KIAA1217: variants seen among roughly 807,000 people sequenced by gnomAD.
KIAA1217 encodes sickle tail protein homolog.
In KIAA1217, 88 loss-of-function variants were observed where a neutral mutation model predicts 163.9. The observed-to-expected ratio is 0.54, with a 90% confidence interval of 0.45 to 0.64. KIAA1217 has a LOEUF of 0.64. Ranked by LOEUF, KIAA1217 falls within the 30% of genes least tolerant of loss-of-function variation. The pLI is 0.00. For missense variants in KIAA1217, 2,372 were observed against 2,475.0 expected (o/e 0.96, Z 0.88); for synonymous variants, 903 against 923.1 (o/e 0.98, Z 0.39).
chr10:24,385,380 T>C (rs2053869966), intron 3 of KIAA1217, among the ~76,000 whole-genome samples: 1 of 152,184 alleles, frequency 6.6e-6, no homozygotes, highest in Non-Finnish European at 1.5e-5. Flanking sequence ...TGGGGAACAG[T>C]AGCTGTGTTT....
At chr10:24,464,310 G>T (rs1166781601) in intron 5 of KIAA1217, among the ~76,000 whole-genome samples, 1 of 152,158 alleles carries the variant, frequency 6.6e-6, no homozygotes, top group Non-Finnish European at 1.5e-5. Flanking sequence ...TACAGACAGT[G>T]CCCTGGAGCA....
Position 24,074,947 on chromosome 10 carries a change from C to A in KIAA1217, c.-171+67573C>A, listed in dbSNP as rs371281133. Among the ~76,000 whole-genome samples, 6 of 152,172 alleles carry A rather than the reference C, an allele frequency of 3.9e-5. No individual in the cohort carries two copies. In the East Asian group the frequency reaches 1.2e-3, roughly 29 times the overall value. ...CTCCTGAGCTCAGGCAATCCGCCTGCCTTGGTCTCCAAAAGTGCTGAGATT... is the reference window on the plus strand; with the variant it reads ...CTCCTGAGCTCAGGCAATCCGCCTGACTTGGTCTCCAAAAGTGCTGAGATT... On this transcript the variant is annotated intron_variant, in intron 2 of 18. Transcript: ENST00000376462.
chr10:24,455,351 A>T (rs1297381162), intron 5 of KIAA1217, among the ~76,000 whole-genome samples: 2 of 152,236 alleles, frequency 1.3e-5, no homozygotes. Flanking sequence ...TACAGTGAGT[A>T]TATGTGCAAA....
chr10:24,197,927 C>T (rs555008163), intron 2 of KIAA1217, among the ~76,000 whole-genome samples: 8 of 152,322 alleles, frequency 5.3e-5, no homozygotes, highest in East Asian at 3.9e-4. Context: ...ATGCATGGGA[C>T]GGATAGTTGT....
intron 1 of KIAA1217, among the ~76,000 whole-genome samples, chr10:23,967,187 T>C (rs1003232807): frequency 3.3e-5 from 5 of 152,070 alleles, no homozygotes; most frequent in African/African-American, 9.7e-5. Flanking sequence ...TGACTAAATA[T>C]GTCATCTTTA....
At chr10:24,172,955 T>G (rs1318141967) in intron 2 of KIAA1217, among the ~76,000 whole-genome samples, 1 of 152,184 alleles carries the variant, frequency 6.6e-6, no homozygotes, top group Non-Finnish European at 1.5e-5. Flanking sequence ...ACAATTCCCA[T>G]AAGCATAGTA....
chr10:23,783,029 G>A (rs942915736), intron 1 of KIAA1217, among the ~76,000 whole-genome samples: 5 of 152,154 alleles, frequency 3.3e-5, no homozygotes, highest in Non-Finnish European at 2.9e-5. Context: ...ATTGTTTTGA[G>A]TTTTTAATCA....
At chr10:24,440,625 C>T (rs569091743) in intron 5 of KIAA1217, among the ~76,000 whole-genome samples, 1 of 152,256 alleles carries the variant, frequency 6.6e-6, no homozygotes, top group South Asian at 2.1e-4. Flanking sequence ...TGGGTTTCTG[C>T]AGAGTGGTTC....
At chr10:24,380,818 C>A in intron 2 of KIAA1217, 51 bp from the exon 3 acceptor site, 1 of 1,316,730 alleles carries the variant, frequency 7.6e-7, no homozygotes, top group Non-Finnish European at 1.0e-6. Context: ...ATATTTTCCA[C>A]ACGATTAATA....
chr10:24,063,699 G>A (rs974029021), intron 2 of KIAA1217, among the ~76,000 whole-genome samples: 1 of 152,138 alleles, frequency 6.6e-6, no homozygotes, highest in Admixed American at 6.5e-5. Flanking sequence ...TAGCTTGATG[G>A]GGATGGCACT....
At chr10:23,731,167 T>C (rs921697512) in intron 1 of KIAA1217, among the ~76,000 whole-genome samples, 51 of 152,266 alleles carry the variant, frequency 3.3e-4, no homozygotes, top group African/African-American at 1.2e-3. Flanking sequence ...TCATAGCCTC[T>C]GGCCAGAAGC....
chr10:23,927,017 C>G (rs1024286366), intron 1 of KIAA1217, among the ~76,000 whole-genome samples: 1 of 152,014 alleles, frequency 6.6e-6, no homozygotes, highest in Non-Finnish European at 1.5e-5. Context: ...AAGCAATCCT[C>G]CCACCTCAGC....
At chr10:24,408,436 G>A (rs776551769) in intron 3 of KIAA1217, among the ~76,000 whole-genome samples, 12 of 152,028 alleles carry the variant, frequency 7.9e-5, no homozygotes, top group Non-Finnish European at 1.8e-4. Flanking sequence ...CTCTTATCAC[G>A]AGCAGTCTCC....
rs561985642 is a variant in KIAA1217 at position 24,310,880 on chromosome 10, C to G, written c.355-69989C>G. ...AGTGTGGTGGTGCACACCTGTAGTC[C>G]TAGCTATTTGAGAGGCTGAGGTTGG... is the stretch of plus-strand genomic sequence containing the variant. On this transcript the variant is annotated intron_variant, in intron 2 of 20. Transcript: ENST00000376454. 5.9e-5 allele frequency among the ~76,000 whole-genome samples: 9 copies of G among 152,206 alleles called. No homozygotes were observed. The East Asian group carries it at 1.7e-3, about 29-fold the overall frequency.
intron 2 of KIAA1217, among the ~76,000 whole-genome samples, chr10:24,125,320 C>CTGTGTGTGTG (rs1491130955): frequency 4.3e-5 from 4 of 92,176 alleles, no homozygotes; most frequent in Admixed American, 1.1e-4. Flanking sequence ...GAATCCTATG[C>CTGTGTGTGTG]TCTGTGTGTG....
chr10:24,133,148 C>T (rs1268218494), intron 2 of KIAA1217, among the ~76,000 whole-genome samples: 1 of 151,552 alleles, frequency 6.6e-6, no homozygotes, highest in Admixed American at 6.6e-5. Context: ...AAAGAAGCAA[C>T]CAGCTGAATT....
intron 2 of KIAA1217, among the ~76,000 whole-genome samples, chr10:24,368,161 T>C (rs1022698665): frequency 1.3e-5 from 2 of 152,244 alleles, no homozygotes; most frequent in African/African-American, 4.8e-5. Flanking sequence ...AATTTTATTC[T>C]TAATCATTTT....
At chr10:23,946,028 G>A (rs1278083862) in intron 1 of KIAA1217, among the ~76,000 whole-genome samples, 1 of 152,142 alleles carries the variant, frequency 6.6e-6, no homozygotes, top group African/African-American at 2.4e-5. Context: ...TTAGGCTGGT[G>A]AAATAGTAAT....
intron 2 of KIAA1217, among the ~76,000 whole-genome samples, chr10:24,076,336 A>G (rs895241223): frequency 2.6e-5 from 4 of 152,246 alleles, no homozygotes; most frequent in Non-Finnish European, 4.4e-5. Flanking sequence ...GCAGGGCCCC[A>G]TAGCCTGGCA....
Sources: allele counts gnomAD v4.1 joint callset (sites outside exome capture counted in the v4.1 genomes callset), GRCh38; gene constraint gnomAD v4.1.1; transcripts MANE v1.5; gene names NCBI Gene and HGNC (gene_info 2026-07-23, HGNC 2026-07-21).